SLC4A4: variants seen among roughly 807,000 people sequenced by gnomAD.
The protein encoded by SLC4A4 is solute carrier family 4 member 4.
A neutral mutation model predicts 111.5 loss-of-function variants in SLC4A4; 27 were observed. The ratio of observed to expected loss-of-function variants is 0.24; its 90% CI spans 0.18 to 0.33. SLC4A4 has a LOEUF of 0.33. Ranked by LOEUF, SLC4A4 falls within the 10% of genes least tolerant of loss-of-function variation. The pLI, the probability that SLC4A4 is intolerant of heterozygous loss-of-function variation, is 1.00. For synonymous variants in SLC4A4, 443 were observed against 463.4 expected, an observed-to-expected ratio of 0.96 and a Z score of 0.57; for missense variants, 909 against 1,315.5, an observed-to-expected ratio of 0.69 and a Z score of 4.78.
intron 2 of SLC4A4, among the ~76,000 whole-genome samples, chr4:71,114,781 T>C (rs1181398474): frequency 0.028 from 3,345 of 118,062 alleles, 220 homozygotes; most frequent in African/African-American, 0.12. Flanking sequence ...AGTGTGGCGA[T>C]TCCTCAGGGA....
At chr4:71,548,618 C>T (rs1317524228) in intron 20 of SLC4A4, among the ~76,000 whole-genome samples, 1 of 151,878 alleles carries the variant, frequency 6.6e-6, no homozygotes. Context: ...CAGCTATAAA[C>T]AACCACTGTT....
chr4:71,303,758 TTTC>T (rs1417740890), intron 3 of SLC4A4, among the ~76,000 whole-genome samples: 1 of 152,096 alleles, frequency 6.6e-6, no homozygotes, highest in African/African-American at 2.4e-5. Context: ...TTTACTTCCC[TTTC>T]TTCTTCCCCT....
intron 2 of SLC4A4, among the ~76,000 whole-genome samples, chr4:71,146,798 C>T (rs112819305): frequency 0.015 from 2,315 of 152,138 alleles, 69 homozygotes; most frequent in African/African-American, 0.053. Context: ...CAAACTGTAA[C>T]GACCATCAAG....
chr4:71,081,087 C>T (rs1741982945), intron 1 of SLC4A4, among the ~76,000 whole-genome samples: 1 of 151,986 alleles, frequency 6.6e-6, no homozygotes, highest in African/African-American at 2.4e-5. Flanking sequence ...ATATATTTTT[C>T]CTCTGAAGCA....
chr4:71,451,376 T>C, intron 11 of SLC4A4, 75 bp downstream of exon 11: 4 of 950,064 alleles, frequency 4.2e-6, no homozygotes, highest in South Asian at 1.3e-5. Flanking sequence ...TATCAACATA[T>C]TATTCACTAG....
chr4:71,334,884 A>G (rs954057737), intron 3 of SLC4A4, among the ~76,000 whole-genome samples: 2 of 152,202 alleles, frequency 1.3e-5, no homozygotes, highest in African/African-American at 2.4e-5. Flanking sequence ...TGTAGTATCT[A>G]TGCTGTTTTT....
intron 18 of SLC4A4, among the ~76,000 whole-genome samples, chr4:71,539,420 C>A (rs759472325): frequency 3.9e-5 from 6 of 152,092 alleles, no homozygotes; most frequent in Non-Finnish European, 5.9e-5. Context: ...CAGAGTACCA[C>A]GACCTAAGTT....
intron 3 of SLC4A4, among the ~76,000 whole-genome samples, chr4:71,276,083 G>A (rs1723047575): frequency 6.6e-6 from 1 of 152,204 alleles, no homozygotes; most frequent in Admixed American, 6.5e-5. Context: ...AGACAGTATG[G>A]CAGTCATTCT....
chr4:71,222,281 T>G (rs973159964), intron 1 of SLC4A4, among the ~76,000 whole-genome samples: 2 of 152,192 alleles, frequency 1.3e-5, no homozygotes, highest in Non-Finnish European at 2.9e-5. Flanking sequence ...CCTCAGGGCC[T>G]TTGCATTTGC....
intron 18 of SLC4A4, among the ~76,000 whole-genome samples, chr4:71,537,877 G>T (rs1281749744): frequency 6.6e-6 from 1 of 152,008 alleles, no homozygotes; most frequent in Non-Finnish European, 1.5e-5. Context: ...GATTGGCACG[G>T]TCTCTCTCAG....
intron 1 of SLC4A4, among the ~76,000 whole-genome samples, chr4:71,086,125 T>C (rs1398751363): frequency 6.6e-6 from 1 of 151,440 alleles, no homozygotes; most frequent in East Asian, 1.9e-4. Context: ...TTCACGTCCC[T>C]TGTAAGTTGG....
At chr4:71,285,837 T>A (rs921973851) in intron 3 of SLC4A4, among the ~76,000 whole-genome samples, 1 of 152,214 alleles carries the variant, frequency 6.6e-6, no homozygotes, top group Non-Finnish European at 1.5e-5. Context: ...AATTTTTGTG[T>A]AGTGACAAGT....
intron 9 of SLC4A4, 143 bp from the exon 10 acceptor site, chr4:71,450,246 G>A (rs1413247115): frequency 5.9e-6 from 4 of 678,478 alleles, no homozygotes; most frequent in South Asian, 1.7e-5. Flanking sequence ...CGGGGGGCAG[G>A]CTGAATAATA....
chr4:71,266,191 G>C (rs1016763792), intron 3 of SLC4A4, among the ~76,000 whole-genome samples: 4 of 152,174 alleles, frequency 2.6e-5, no homozygotes, highest in Non-Finnish European at 4.4e-5. Flanking sequence ...TTGGAAGACA[G>C]CTGGGTCTAG....
intron 2 of SLC4A4, among the ~76,000 whole-genome samples, chr4:71,143,120 C>G (rs1744058492): frequency 6.6e-6 from 1 of 152,010 alleles, no homozygotes; most frequent in Non-Finnish European, 1.5e-5. Flanking sequence ...TGCAACCATC[C>G]CCGGTGTGTG....
chr4:71,566,895 C>G, intron 24 of SLC4A4, 109 bp from the exon 25 acceptor site: 1 of 803,364 alleles, frequency 1.2e-6, no homozygotes, highest in South Asian at 1.6e-5. Context: ...CTAAACTTGT[C>G]TTTTTTACTC....
intron 3 of SLC4A4, among the ~76,000 whole-genome samples, chr4:71,273,100 A>C (rs1722810174): frequency 6.6e-6 from 1 of 152,228 alleles, no homozygotes; most frequent in African/African-American, 2.4e-5. Flanking sequence ...GATAAGAAAT[A>C]GCTTAGTTAA....
intron 3 of SLC4A4, among the ~76,000 whole-genome samples, chr4:71,277,067 A>G (rs1257422217): frequency 6.6e-6 from 1 of 152,106 alleles, no homozygotes; most frequent in Non-Finnish European, 1.5e-5. Flanking sequence ...AAAACAAAAC[A>G]AAACAACCCC....
At chr4:71,564,712 A>C (rs1319705876) in intron 24 of SLC4A4, among the ~76,000 whole-genome samples, 1 of 151,930 alleles carries the variant, frequency 6.6e-6, no homozygotes, top group Non-Finnish European at 1.5e-5. Flanking sequence ...AAAGACAGTT[A>C]AGACACTTTT....
Sources: allele counts gnomAD v4.1 joint callset (sites outside exome capture counted in the v4.1 genomes callset), GRCh38; gene constraint gnomAD v4.1.1; transcripts MANE v1.5; gene names NCBI Gene and HGNC (gene_info 2026-07-23, HGNC 2026-07-21).